ARHGAP39: variants seen among roughly 807,000 people sequenced by gnomAD.
The protein encoded by ARHGAP39 is Rho GTPase activating protein 39, also known as rho GTPase-activating protein 39.
ARHGAP39 carries 44 observed loss-of-function variants against 106.9 expected under a neutral mutation model. The ratio of observed to expected loss-of-function variants is 0.41; its 90% CI spans 0.32 to 0.53. The LOEUF is 0.53. ARHGAP39 is among the 20% of genes least tolerant of loss of function. ARHGAP39 has a pLI of 0.21. For missense variants in ARHGAP39, 1,496 were observed against 1,577.3 expected, an observed-to-expected ratio of 0.95 and a Z score of 0.87; for synonymous variants, 768 against 693.2, an observed-to-expected ratio of 1.11 and a Z score of -1.69.
the ARHGAP39 span, among the ~76,000 whole-genome samples, chr8:144,692,644 G>A: frequency 5.9e-5 from 9 of 151,648 alleles, no homozygotes; most frequent in Admixed American, 2.0e-4. Flanking sequence ...GCAATCCGCC[G>A]CACCACTAAT....
At chr8:144,636,245 G>A (rs1042474957) in intron 1 of ARHGAP39, among the ~76,000 whole-genome samples, 3 of 152,222 alleles carry the variant, frequency 2.0e-5, no homozygotes, top group African/African-American at 7.2e-5. Flanking sequence ...TAATTCTTCT[G>A]TGTTGATTCT....
chr8:144,562,542 T>A (rs1818231284), intron 3 of ARHGAP39, among the ~76,000 whole-genome samples: 1 of 147,334 alleles, frequency 6.8e-6, no homozygotes, highest in African/African-American at 2.6e-5. Flanking sequence ...TCCAGTGGTT[T>A]CCATCACACT....
At chr8:144,542,360 A>G (rs918132943) in intron 6 of ARHGAP39, among the ~76,000 whole-genome samples, 3 of 151,980 alleles carry the variant, frequency 2.0e-5, no homozygotes. Flanking sequence ...GTGACCACAC[A>G]GTGCAGGTCA....
chr8:144,623,736 A>G (rs908637593), intron 1 of ARHGAP39, among the ~76,000 whole-genome samples: 2 of 152,248 alleles, frequency 1.3e-5, no homozygotes, highest in African/African-American at 4.8e-5. Flanking sequence ...AACTGACCAC[A>G]GAGCAGGGCA....
chr8:144,680,350 T>C (rs1489401404), intron 1 of ARHGAP39, among the ~76,000 whole-genome samples: 1 of 151,858 alleles, frequency 6.6e-6, no homozygotes, highest in African/African-American at 2.4e-5. Context: ...GCACAAGGAG[T>C]CAGTTCAGCC....
At chr8:144,560,743 G>A (rs1394234486) in intron 3 of ARHGAP39, among the ~76,000 whole-genome samples, 4 of 152,158 alleles carry the variant, frequency 2.6e-5, no homozygotes, top group South Asian at 2.1e-4. Flanking sequence ...TTCCTGAGGC[G>A]GTGATGCTAT....
At chr8:144,619,017 C>T (rs1820713120) in intron 1 of ARHGAP39, among the ~76,000 whole-genome samples, 1 of 152,238 alleles carries the variant, frequency 6.6e-6, no homozygotes, top group African/African-American at 2.4e-5. Flanking sequence ...GTCAAGGCCA[C>T]AGCCCAGCCT....
rs866336176 is a variant in ARHGAP39, at chr8:144,530,847, C to A, written c.3005G>T (p.Arg1002Leu). 1.9e-6 allele frequency: 3 copies of A among 1,610,250 alleles called. No individual in the cohort carries two copies. Among genetic ancestry groups the A allele is most frequent in the Non-Finnish European group, 2.5e-6 (3 of 1,179,298 alleles). Residue 1002 changes from arginine to leucine, a missense_variant, in exon 11 of 12, where the codon CGG becomes CTG. By Grantham distance (102) the Arg-to-Leu change is moderately radical. This residue lies in a region of ARHGAP39 where 470 missense variants were observed against 605.1 expected (regional missense o/e 0.78). Transcript: ENST00000377307. ...VPASLLKLWY[R>L]ELEEPLIPHE... is the part of the protein sequence containing the mutation. ...CGGGATCAGGGGCTCCTCCAGCTCC[C>A]GGTACCACAGCTTCAGCAGGGACGC...
intron 1 of ARHGAP39, among the ~76,000 whole-genome samples, chr8:144,636,131 G>A (rs1246435181): frequency 6.6e-6 from 1 of 152,184 alleles, no homozygotes; most frequent in East Asian, 1.9e-4. Context: ...CTCCTGCCAG[G>A]TAAGACAGTG....
rs1304421676 is a variant in ARHGAP39 at position 144,555,634 on chromosome 8, T to G, written c.522A>C (p.Pro174=). 8 of 1,613,662 alleles carry G rather than the reference T, an allele frequency of 5.0e-6. No individual in the cohort carries two copies. The highest frequency in any genetic ancestry group is 6.8e-6 in the Non-Finnish European group (8 of 1,179,850). The change falls in exon 4 of 12, where the codon CCA becomes CCC. Residue 174 remains proline (P), a synonymous_variant. Coordinates refer to ENST00000377307, the MANE Select transcript of ARHGAP39 (RefSeq NM_025251.3). ...AGTCCTTCTCAAGGAACACTCCTGG[T>G]GGTGAAGAGCTGAAACACAGTAAAA... The part of the protein sequence containing the change: ...TVKEDSGSSS[P]PGVFLEKDYE...
rs1162384232 is a variant in ARHGAP39 at position 144,586,438 on chromosome 8, G to C, written c.81-5161C>G. On this transcript the variant is annotated intron_variant, in intron 2 of 11. Transcript: ENST00000377307. This position sits in a 1 kb window ranked among gnomAD's most constrained non-coding sequence, Gnocchi z 4.2. ...GGGCTCCTCTCTCCTCTGCCCCACA[G>C]GGTGTGCCGAGGACACCCCCAGTGT... is the stretch of plus-strand genomic sequence containing the variant. 1.3e-5 allele frequency: 2 copies of C among 152,618 alleles called. No individual in the cohort carries two copies. Among genetic ancestry groups the C allele is most frequent in the East Asian group, 3.9e-4 (2 of 5,178 alleles). 9.5% of individuals were successfully genotyped at this position (152,618 alleles called of 1,614,324 possible).
chr8:144,615,341 A>C (rs529327374), intron 1 of ARHGAP39, among the ~76,000 whole-genome samples: 15 of 152,182 alleles, frequency 9.9e-5, no homozygotes, highest in African/African-American at 2.2e-4. Flanking sequence ...AAAAAAAAAA[A>C]CAAGTCTGTA....
At chr8:144,698,017 A>G in the ARHGAP39 span, among the ~76,000 whole-genome samples, 1 of 152,102 alleles carries the variant, frequency 6.6e-6, no homozygotes, top group Non-Finnish European at 1.5e-5. Flanking sequence ...AAGCTTCGCT[A>G]TGGTTTGGGT....
At chr8:144,615,661 T>G (rs1820616903) in intron 1 of ARHGAP39, among the ~76,000 whole-genome samples, 1 of 152,220 alleles carries the variant, frequency 6.6e-6, no homozygotes, top group Non-Finnish European at 1.5e-5. Flanking sequence ...AATAAATGAG[T>G]CTTTACTCAG....
At position 144,679,554 on chromosome 8, in the gene ARHGAP39, T is replaced by G. The variant is rs1459491515; in HGVS notation, c.-82+6132A>C. Among the ~76,000 whole-genome samples the G allele has an allele frequency of 6.6e-6, 1 of 152,238 alleles. No individual in the cohort carries two copies. The highest frequency in any genetic ancestry group is 1.5e-5 in the Non-Finnish European group (1 of 68,038). On this transcript the variant is annotated intron_variant, in intron 1 of 11. Transcript: ENST00000377307. This position sits in a 1 kb window ranked among gnomAD's most constrained non-coding sequence, Gnocchi z 4.7. ...ACTCGCTCTGGAGAAAGCTGTCCAGTAAACTCCTGGATTTGGATTTCTTCC... is the reference window on the plus strand; with the variant it reads ...ACTCGCTCTGGAGAAAGCTGTCCAGGAAACTCCTGGATTTGGATTTCTTCC...
intron 9 of ARHGAP39, 45 bp from the exon 10 acceptor site, chr8:144,532,441 C>A (rs760520687): frequency 2.6e-6 from 4 of 1,551,752 alleles, no homozygotes; most frequent in Non-Finnish European, 2.7e-6. Flanking sequence ...GCCTGTGCTG[C>A]GGCTTCATGA....
the ARHGAP39 span, among the ~76,000 whole-genome samples, chr8:144,695,559 G>A: frequency 2.0e-5 from 3 of 152,104 alleles, no homozygotes; most frequent in Non-Finnish European, 2.9e-5. Context: ...ACTTTGAGAC[G>A]AATTAAGAGT....
intron 1 of ARHGAP39, among the ~76,000 whole-genome samples, chr8:144,673,216 C>A (rs770742713): frequency 7.1e-5 from 10 of 141,386 alleles, no homozygotes; most frequent in East Asian, 2.1e-4. Flanking sequence ...GAACCTGTCT[C>A]AAAAAAAAAA....
At chr8:144,668,814 A>C (rs1822025613) in intron 1 of ARHGAP39, among the ~76,000 whole-genome samples, 1 of 152,192 alleles carries the variant, frequency 6.6e-6, no homozygotes, top group Non-Finnish European at 1.5e-5. Context: ...TTTTTGAGGA[A>C]ACTGACAGGC....
Sources: allele counts gnomAD v4.1 joint callset (sites outside exome capture counted in the v4.1 genomes callset), GRCh38; gene constraint gnomAD v4.1.1; regional missense constraint gnomAD v4.1.1; non-coding constraint Gnocchi (gnomAD v3.1); transcripts MANE v1.5; gene names NCBI Gene and HGNC (gene_info 2026-07-23, HGNC 2026-07-21).